The following CNTNAP2 variants were observed in gnomAD, a reference collection of about 807,000 sequenced individuals.
CNTNAP2 encodes contactin-associated protein-like 2.
In CNTNAP2, 98 loss-of-function variants were observed where a neutral mutation model predicts 155.2. That is an observed-to-expected ratio of 0.63 (90% CI 0.54 to 0.75). The LOEUF (loss-of-function observed/expected upper bound fraction) is 0.75, where lower values mean the gene tolerates loss of function less well. Ranked by LOEUF, CNTNAP2 falls within the 30% of genes least tolerant of loss-of-function variation. CNTNAP2 has a pLI of 0.00. For missense variants in CNTNAP2, 1,727 were observed against 1,688.1 expected, an observed-to-expected ratio of 1.02 and a Z score of -0.40; for synonymous variants, 651 against 631.2, an observed-to-expected ratio of 1.03 and a Z score of -0.47.
chr7:146,952,887 A>G (rs938292737), intron 3 of CNTNAP2, among the ~76,000 whole-genome samples: 2 of 152,058 alleles, frequency 1.3e-5, no homozygotes, highest in Admixed American at 1.3e-4. Flanking sequence ...GAATCATAGG[A>G]ATTTCTGAAC....
At chr7:146,604,817 C>T (rs1240485026) in intron 1 of CNTNAP2, among the ~76,000 whole-genome samples, 7 of 144,370 alleles carry the variant, frequency 4.8e-5, no homozygotes, top group South Asian at 2.3e-4. Flanking sequence ...AGTAAACTAT[C>T]GCAGGGACAA....
intron 14 of CNTNAP2, among the ~76,000 whole-genome samples, chr7:147,951,368 G>T (rs1426574414): frequency 6.6e-6 from 1 of 152,122 alleles, no homozygotes; most frequent in Non-Finnish European, 1.5e-5. Flanking sequence ...AGAGGAAAGA[G>T]AAGATTCATG....
intron 13 of CNTNAP2, among the ~76,000 whole-genome samples, chr7:147,680,679 T>C (rs1042061907): frequency 2.6e-5 from 4 of 151,894 alleles, no homozygotes; most frequent in Non-Finnish European, 5.9e-5. Context: ...CCATGGACTT[T>C]GCAAATTTAA....
chr7:147,273,595 G>A (rs1048034116), intron 8 of CNTNAP2, among the ~76,000 whole-genome samples: 1 of 151,828 alleles, frequency 6.6e-6, no homozygotes, highest in African/African-American at 2.4e-5. Context: ...TCACTTATAA[G>A]TAAGAACATG....
intron 1 of CNTNAP2, among the ~76,000 whole-genome samples, chr7:146,121,074 T>C (rs907206132): frequency 2.0e-5 from 3 of 150,056 alleles, no homozygotes; most frequent in African/African-American, 7.3e-5. Flanking sequence ...TAAATTCTTC[T>C]AGACAAAAAC....
intron 16 of CNTNAP2, among the ~76,000 whole-genome samples, chr7:148,130,556 C>T (rs142765673): frequency 6.6e-6 from 1 of 152,326 alleles, no homozygotes; most frequent in Non-Finnish European, 1.5e-5. Context: ...ACCATGATTC[C>T]CCCTGTGCCT....
At chr7:147,856,332 G>C (rs1432991084) in intron 13 of CNTNAP2, among the ~76,000 whole-genome samples, 1 of 152,166 alleles carries the variant, frequency 6.6e-6, no homozygotes, top group Non-Finnish European at 1.5e-5. Flanking sequence ...AATTGGCCAA[G>C]CAGCGGACTC....
intron 2 of CNTNAP2, among the ~76,000 whole-genome samples, chr7:146,807,796 C>T (rs1422575143): frequency 6.6e-6 from 1 of 151,926 alleles, no homozygotes; most frequent in African/African-American, 2.4e-5. Context: ...ATATATATGT[C>T]TCATGAGGTA....
At chr7:146,635,945 G>A (rs74762914) in intron 1 of CNTNAP2, among the ~76,000 whole-genome samples, 2,928 of 152,206 alleles carry the variant, frequency 0.019, 51 homozygotes, top group Middle Eastern at 0.075. Context: ...TGTTCCAGTG[G>A]CAAGTGAATG....
Position 146,615,735 on chromosome 7 carries a change from A to G in CNTNAP2, c.98-158536A>G, listed in dbSNP as rs530319873. 2.6e-5 allele frequency among the ~76,000 whole-genome samples: 4 copies of G among 152,328 alleles called. No individual in the cohort carries two copies. In the South Asian group the frequency reaches 8.3e-4, roughly 32 times the overall value. On this transcript the variant is annotated intron_variant, in intron 1 of 23. Transcript: ENST00000361727. The stretch of plus-strand genomic sequence containing the variant: ...CAATGACTGGCAGCTTTGTGGATCA[A>G]TATCCTAGTTCCTTTGTTCCTTGGT...
chr7:146,947,364 CT>C (rs1383221756), intron 3 of CNTNAP2, among the ~76,000 whole-genome samples: 4 of 147,556 alleles, frequency 2.7e-5, no homozygotes, highest in East Asian at 2.0e-4. Flanking sequence ...GTGAACACCC[CT>C]ATCAAGTTCC....
Position 148,383,630 on chromosome 7 carries a change from A to ATTTC in CNTNAP2, c.3476-15_3476-12dup, listed in dbSNP as rs1554427506. 1.9e-6 allele frequency: 3 copies of ATTTC among 1,614,052 alleles called. No homozygotes were observed. Among genetic ancestry groups the ATTTC allele is most frequent in the African/African-American group, 2.7e-5 (2 of 74,918 alleles). On this transcript the variant is annotated intron_variant, in intron 21 of 23. Coordinates refer to ENST00000361727, the MANE Select transcript of CNTNAP2 (RefSeq NM_014141.6). ...CTATGGTGAGTCAAGTAACATTTTC[A>ATTTC]TTTCTTTTTTTCTTTTAGAAACAGG...
intron 3 of CNTNAP2, among the ~76,000 whole-genome samples, chr7:146,999,985 T>C (rs1798391370): frequency 6.6e-6 from 1 of 151,982 alleles, no homozygotes; most frequent in Non-Finnish European, 1.5e-5. Context: ...ATTGCTTTTT[T>C]TTGAATGCCA....
chr7:147,898,650 G>A (rs1166898576), intron 13 of CNTNAP2, among the ~76,000 whole-genome samples: 1 of 152,080 alleles, frequency 6.6e-6, no homozygotes, highest in Non-Finnish European at 1.5e-5. Context: ...CTCCCAAGTA[G>A]CTGGGATTAC....
chr7:147,374,629 A>G (rs937788420), intron 9 of CNTNAP2, among the ~76,000 whole-genome samples: 6 of 152,170 alleles, frequency 3.9e-5, no homozygotes, highest in African/African-American at 1.4e-4. Context: ...GATTTGTGAC[A>G]TAGCATATCC....
At chr7:147,319,347 CTTTT>C (rs1210898399) in intron 9 of CNTNAP2, among the ~76,000 whole-genome samples, 1 of 151,920 alleles carries the variant, frequency 6.6e-6, no homozygotes, top group Non-Finnish European at 1.5e-5. Flanking sequence ...TACATTGTTT[CTTTT>C]ATTTTTCCTT....
At chr7:146,569,475 A>C (rs942798104) in intron 1 of CNTNAP2, among the ~76,000 whole-genome samples, 3 of 152,232 alleles carry the variant, frequency 2.0e-5, no homozygotes, top group African/African-American at 7.2e-5. Flanking sequence ...AGCTCCTGAT[A>C]TATTCCTCAT....
intron 22 of CNTNAP2, among the ~76,000 whole-genome samples, chr7:148,406,855 T>A (rs1412594614): frequency 6.6e-6 from 1 of 152,228 alleles, no homozygotes; most frequent in Non-Finnish European, 1.5e-5. Flanking sequence ...TTACTGTAAA[T>A]GGACAAGTTC....
At chr7:146,274,782 C>G (rs1268490149) in intron 1 of CNTNAP2, among the ~76,000 whole-genome samples, 1 of 152,142 alleles carries the variant, frequency 6.6e-6, no homozygotes, top group East Asian at 1.9e-4. Flanking sequence ...AGGTGTGATT[C>G]AACAGAAGGA....
Sources: gnomAD v4.1 joint callset for allele counts (sites outside exome capture counted in the v4.1 genomes callset) on GRCh38, gnomAD v4.1.1 for gene constraint, MANE v1.5 for transcripts, NCBI Gene and HGNC (gene_info 2026-07-23, HGNC 2026-07-21) for gene names.